COL24A1: variants seen among roughly 807,000 people sequenced by gnomAD.
COL24A1 encodes collagen type XXIV alpha 1 chain, also known as collagen alpha-1(XXIV) chain.
Under a neutral mutation model 253.9 loss-of-function variants are expected in COL24A1, and 224 were observed. That is an observed-to-expected ratio of 0.88 (90% CI 0.79 to 0.99). The LOEUF (loss-of-function observed/expected upper bound fraction) is 0.99, where lower values mean the gene tolerates loss of function less well. Among genes scored for constraint, COL24A1 ranks in the 50% least tolerant of loss-of-function variants. The pLI, the probability that COL24A1 is intolerant of heterozygous loss-of-function variation, is 0.00. For missense variants in COL24A1, 2,131 were observed against 2,068.5 expected (o/e 1.03, Z -0.59); for synonymous variants, 685 against 673.7 (o/e 1.02, Z -0.26).
intron 5 of COL24A1, among the ~76,000 whole-genome samples, chr1:86,097,360 GTT>G (rs1557605688): frequency 2.1e-5 from 3 of 144,114 alleles, no homozygotes; most frequent in African/African-American, 7.4e-5. Context: ...TGTTGTTGTT[GTT>G]CTTCTTCTCC....
At chr1:85,949,377 T>G (rs1002404382) in intron 24 of COL24A1, among the ~76,000 whole-genome samples, 1 of 152,098 alleles carries the variant, frequency 6.6e-6, no homozygotes, top group Non-Finnish European at 1.5e-5. Flanking sequence ...TAACAAGAGA[T>G]AAAGTTTATT....
At chr1:85,882,426 T>G (rs1451133402) in intron 32 of COL24A1, among the ~76,000 whole-genome samples, 2 of 152,084 alleles carry the variant, frequency 1.3e-5, no homozygotes, top group Non-Finnish European at 2.9e-5. Context: ...GATCGGCCAC[T>G]GCACTCCAGC....
chr1:85,813,570 A>G (rs1442862266), intron 47 of COL24A1, among the ~76,000 whole-genome samples: 2 of 57,656 alleles, frequency 3.5e-5, no homozygotes, highest in Admixed American at 6.6e-4. Context: ...TTTTTTTTTG[A>G]GACGGAGTCT....
At chr1:85,852,149 T>G (rs1236405090) in intron 37 of COL24A1, among the ~76,000 whole-genome samples, 1 of 152,192 alleles carries the variant, frequency 6.6e-6, no homozygotes, top group Non-Finnish European at 1.5e-5. Context: ...AGAGTATTTT[T>G]TTTTTCATTT....
At chr1:86,134,125 GT>G (rs1649804511) in intron 2 of COL24A1, among the ~76,000 whole-genome samples, 1 of 152,072 alleles carries the variant, frequency 6.6e-6, no homozygotes, top group South Asian at 2.1e-4. Flanking sequence ...AGATTTTCTA[GT>G]TTATATGGGT....
intron 2 of COL24A1, among the ~76,000 whole-genome samples, chr1:86,133,060 G>A (rs1649545635): frequency 6.6e-6 from 1 of 152,032 alleles, no homozygotes; most frequent in Non-Finnish European, 1.5e-5. Flanking sequence ...TCCTTGAAGA[G>A]GTCCTTCGCA....
chr1:86,152,118 A>G (rs1257571586), intron 1 of COL24A1, among the ~76,000 whole-genome samples: 1 of 152,194 alleles, frequency 6.6e-6, no homozygotes, highest in Non-Finnish European at 1.5e-5. Context: ...ACAGCAGTGG[A>G]CATAAAGTTG....
At chr1:86,148,263 C>A (rs1211134780) in intron 1 of COL24A1, among the ~76,000 whole-genome samples, 2 of 152,124 alleles carry the variant, frequency 1.3e-5, no homozygotes, top group Non-Finnish European at 2.9e-5. Context: ...CAGCTCACTG[C>A]AACCTCTGCT....
chr1:86,022,917 T>C, intron 15 of COL24A1, 37 bp downstream of exon 15: 1 of 1,612,522 alleles, frequency 6.2e-7, no homozygotes, highest in Middle Eastern at 1.7e-4. Context: ...CATAGACAGA[T>C]TAAAGGGAAA....
chr1:85,989,073 A>C (rs1466723848), intron 19 of COL24A1, among the ~76,000 whole-genome samples: 1 of 152,110 alleles, frequency 6.6e-6, no homozygotes, highest in East Asian at 1.9e-4. Flanking sequence ...TTTTCCTGAT[A>C]ATTTTACACC....
chr1:85,901,543 C>T (rs2102847870), intron 28 of COL24A1, among the ~76,000 whole-genome samples: 1 of 152,138 alleles, frequency 6.6e-6, no homozygotes, highest in South Asian at 2.1e-4. Flanking sequence ...GGTGTGGTGG[C>T]TCATGCCTGT....
chr1:85,780,552 G>C (rs1669040761), intron 52 of COL24A1, among the ~76,000 whole-genome samples: 1 of 152,118 alleles, frequency 6.6e-6, no homozygotes, highest in Non-Finnish European at 1.5e-5. Flanking sequence ...GGAGTGGAAA[G>C]AGCGCTGGTC....
At chr1:85,832,384 G>A (rs1675401357) in intron 43 of COL24A1, among the ~76,000 whole-genome samples, 1 of 151,914 alleles carries the variant, frequency 6.6e-6, no homozygotes, top group Non-Finnish European at 1.5e-5. Flanking sequence ...TTGTCCTTTT[G>A]GCTTAGGTTG....
chr1:85,760,101 G>C (rs949325497), intron 55 of COL24A1, among the ~76,000 whole-genome samples: 3 of 151,788 alleles, frequency 2.0e-5, no homozygotes, highest in Admixed American at 2.0e-4. Flanking sequence ...TTTTGAGACA[G>C]AGTCTTGCTC....
At chr1:86,034,007 A>G in intron 12 of COL24A1, 84 bp from the exon 13 acceptor site, 2 of 1,046,762 alleles carry the variant, frequency 1.9e-6, no homozygotes, top group Non-Finnish European at 2.7e-6. Context: ...TTAGTAATAG[A>G]AAATATTAAT....
intron 5 of COL24A1, among the ~76,000 whole-genome samples, chr1:86,106,783 T>A (rs1199046274): frequency 6.6e-6 from 1 of 152,316 alleles, no homozygotes; most frequent in East Asian, 1.9e-4. Flanking sequence ...GAACATTGTT[T>A]CTACCATCAG....
At chr1:85,925,107 A>G (rs1297580959) in intron 24 of COL24A1, among the ~76,000 whole-genome samples, 2 of 152,154 alleles carry the variant, frequency 1.3e-5, no homozygotes, top group African/African-American at 4.8e-5. Context: ...TAGGAATCCA[A>G]CTTACAAGGG....
chr1:85,858,004 C>T (rs918001931), intron 37 of COL24A1, among the ~76,000 whole-genome samples: 7 of 152,086 alleles, frequency 4.6e-5, no homozygotes, highest in African/African-American at 1.7e-4. Flanking sequence ...TTACTTTATC[C>T]CATCTTCTCA....
chr1:85,858,102 A>G (rs1274471652), intron 37 of COL24A1, among the ~76,000 whole-genome samples: 1 of 152,200 alleles, frequency 6.6e-6, no homozygotes, highest in Non-Finnish European at 1.5e-5. Context: ...GTGTTTTCTC[A>G]TTCCAAGCCA....
Sources: allele counts gnomAD v4.1 joint callset (sites outside exome capture counted in the v4.1 genomes callset), GRCh38; gene constraint gnomAD v4.1.1; transcripts MANE v1.5; gene names NCBI Gene and HGNC (gene_info 2026-07-23, HGNC 2026-07-21).